The following DYSF variants were observed in gnomAD, a reference collection of about 807,000 sequenced individuals.
The protein encoded by DYSF is dysferlin.
DYSF carries 212 observed loss-of-function variants against 274.9 expected under a neutral mutation model. That is an observed-to-expected ratio of 0.77 (90% CI 0.69 to 0.86). The LOEUF is 0.86. DYSF is among the 40% of genes least tolerant of loss of function. The pLI is 0.00. For missense variants in DYSF, 2,666 were observed against 2,783.2 expected (o/e 0.96, Z 0.95); for synonymous variants, 1,091 against 1,078.7 (o/e 1.01, Z -0.22).
At chr2:71,498,517 G>A (rs540207959) in intron 3 of DYSF, among the ~76,000 whole-genome samples, 1 of 152,336 alleles carries the variant, frequency 6.6e-6, no homozygotes, top group East Asian at 1.9e-4. Flanking sequence ...ACCAATCTTA[G>A]GTTCTACAAT....
intron 48 of DYSF, 24 bp downstream of exon 48, chr2:71,667,539 C>T (rs1558779727): frequency 1.2e-6 from 2 of 1,613,740 alleles, no homozygotes; most frequent in Middle Eastern, 1.7e-4. Flanking sequence ...CCTTGGGTCC[C>T]AGAGTCCTCG....
At chr2:71,469,545 A>G (rs1478136487) in intron 1 of DYSF, among the ~76,000 whole-genome samples, 1 of 152,192 alleles carries the variant, frequency 6.6e-6, no homozygotes, top group East Asian at 1.9e-4. Context: ...TTTGGCTCCT[A>G]CAGGCAGCCT....
At chr2:71,603,113 AT>A (rs1279707800) in intron 36 of DYSF, among the ~76,000 whole-genome samples, 1 of 152,180 alleles carries the variant, frequency 6.6e-6, no homozygotes, top group Non-Finnish European at 1.5e-5. Context: ...TGAAGAATAA[AT>A]TGTTTGGAAG....
At chr2:71,664,951 G>A (rs541412975) in intron 46 of DYSF, among the ~76,000 whole-genome samples, 93 of 152,324 alleles carry the variant, frequency 6.1e-4, no homozygotes, top group African/African-American at 1.9e-3. Context: ...TTGCAATTCC[G>A]TACTTAAATG....
At position 71,567,940 on chromosome 2, in the gene DYSF, C is replaced by G; in HGVS notation, c.2566-11C>G. The G allele has an allele frequency of 1.9e-6, 3 of 1,614,054 alleles. No individual in the cohort carries two copies. The highest frequency in any genetic ancestry group is 1.1e-5 in the South Asian group (1 of 91,050). ...GGGGACTGTGGGTTTCTGTCCTTCT[C>G]TGGTACCCAGTATCCGATGGAGAAG... On this transcript the variant is annotated splice_polypyrimidine_tract_variant and intron_variant, in intron 24 of 55. Coordinates refer to ENST00000410020, the MANE Select transcript of DYSF (RefSeq NM_001130987.2).
chr2:71,588,260 C>T (rs2093139837), intron 30 of DYSF, among the ~76,000 whole-genome samples: 1 of 152,134 alleles, frequency 6.6e-6, no homozygotes, highest in African/African-American at 2.4e-5. Flanking sequence ...CCTTTCAGGC[C>T]ACCGAAGGAT....
intron 41 of DYSF, among the ~76,000 whole-genome samples, 160 bp downstream of exon 41, chr2:71,620,769 A>T (rs1357929040): frequency 6.6e-6 from 1 of 151,954 alleles, no homozygotes; most frequent in Non-Finnish European, 1.5e-5. Context: ...ACTGAAAAGG[A>T]GGGGTGAGAG....
At chr2:71,587,690 G>T (rs911786866) in intron 30 of DYSF, among the ~76,000 whole-genome samples, 5 of 152,172 alleles carry the variant, frequency 3.3e-5, no homozygotes, top group Admixed American at 6.5e-5. Flanking sequence ...GAGAAGTTAA[G>T]CCACTTGCCC....
At chr2:71,476,489 C>T (rs1208375835) in intron 1 of DYSF, among the ~76,000 whole-genome samples, 8 of 148,542 alleles carry the variant, frequency 5.4e-5, no homozygotes, top group South Asian at 2.1e-4. Context: ...TGCAGTGAGC[C>T]GAGATCACAC....
chr2:71,559,192 A>G (rs2091549181), intron 22 of DYSF, among the ~76,000 whole-genome samples: 1 of 152,080 alleles, frequency 6.6e-6, no homozygotes, highest in Non-Finnish European at 1.5e-5. Flanking sequence ...GGTGCTGGAC[A>G]TGTCCACGTG....
intron 3 of DYSF, among the ~76,000 whole-genome samples, chr2:71,493,296 G>A (rs2084040377): frequency 6.6e-6 from 1 of 152,158 alleles, no homozygotes; most frequent in Non-Finnish European, 1.5e-5. Flanking sequence ...CCCAGTGCGG[G>A]ATTCAGCCTG....
intron 36 of DYSF, among the ~76,000 whole-genome samples, chr2:71,604,977 A>T (rs2093620263): frequency 6.6e-6 from 1 of 152,160 alleles, no homozygotes; most frequent in Non-Finnish European, 1.5e-5. Context: ...CCCAGGCTTT[A>T]TGCCCATCTG....
Position 71,553,112 on chromosome 2 carries a change from G to A in DYSF, c.1908G>A (p.Gly636=). Residue 636 remains glycine (G), a synonymous_variant, in exon 20 of 56, where the codon GGG becomes GGA. Transcript: ENST00000410020. ...CCATCCAGTTTGAGGTCAGCATCGG[G>A]AACTACGGGAACAAGTTCGACATGA... The part of the protein sequence containing the change: ...DDAIQFEVSI[G]NYGNKFDMTC... 2 of 1,614,174 alleles carry A rather than the reference G, an allele frequency of 1.2e-6. No homozygotes were observed. The highest frequency in any genetic ancestry group is 1.3e-5 in the African/African-American group (1 of 75,050).
chr2:71,579,558 G>T (rs2092820282), intron 30 of DYSF, among the ~76,000 whole-genome samples: 1 of 152,142 alleles, frequency 6.6e-6, no homozygotes. Flanking sequence ...TAGAGGATAA[G>T]AATTATTAAT....
chr2:71,524,478 C>T (rs2087637172), intron 12 of DYSF, among the ~76,000 whole-genome samples: 1 of 152,092 alleles, frequency 6.6e-6, no homozygotes. Flanking sequence ...AGAACACATC[C>T]CTTTGGGCAT....
chr2:71,523,016 G>T (rs1027934951), intron 12 of DYSF, among the ~76,000 whole-genome samples: 1 of 152,158 alleles, frequency 6.6e-6, no homozygotes, highest in Admixed American at 6.6e-5. Flanking sequence ...AGGTTCAGCT[G>T]GTGTAACAAA....
At chr2:71,653,295 C>G (rs1407087308) in intron 42 of DYSF, among the ~76,000 whole-genome samples, 1 of 152,114 alleles carries the variant, frequency 6.6e-6, no homozygotes, top group Non-Finnish European at 1.5e-5. Context: ...TTTGACCCAG[C>G]CATCTCATTA....
chr2:71,618,470 T>G (rs2093989922), intron 40 of DYSF, among the ~76,000 whole-genome samples: 4 of 105,492 alleles, frequency 3.8e-5, no homozygotes, highest in East Asian at 3.1e-4. Context: ...GTGTGTGTGG[T>G]AGAGGTGTGT....
intron 1 of DYSF, among the ~76,000 whole-genome samples, chr2:71,456,590 G>T (rs563451290): frequency 6.6e-6 from 1 of 152,100 alleles, no homozygotes; most frequent in East Asian, 1.9e-4. Context: ...CCCCTCCTTT[G>T]GTTACATGAT....
Sources: allele counts gnomAD v4.1 joint callset (sites outside exome capture counted in the v4.1 genomes callset), GRCh38; gene constraint gnomAD v4.1.1; transcripts MANE v1.5; gene names NCBI Gene and HGNC (gene_info 2026-07-23, HGNC 2026-07-21).